The following GRSF1 variants were observed in gnomAD, a reference collection of about 807,000 sequenced individuals.
GRSF1 encodes the protein G-rich RNA sequence binding factor 1, also known as G-rich sequence factor 1.
A neutral mutation model predicts 51.1 loss-of-function variants in GRSF1; 50 were observed. That is an observed-to-expected ratio of 0.98 (90% CI 0.78 to 1.24). GRSF1 has a LOEUF of 1.24. Among genes scored for constraint, GRSF1 ranks in the 50% most tolerant of loss-of-function variants. The probability of loss-of-function intolerance (pLI) is 0.00; values close to 1 mark genes in which losing one functional copy is unlikely to be tolerated. For synonymous variants in GRSF1, 293 were observed against 253.3 expected (o/e 1.16, Z -1.49); for missense variants, 700 against 639.7 (o/e 1.09, Z -1.02).
At position 70,836,255 on chromosome 4, in the gene GRSF1, C is replaced by T. The variant is rs370091927; in HGVS notation, c.417G>A (p.Pro139=). ...LPPPPEYELA[P]SKLEEEVDDV... ...CATCCACTTCCTCTTCTAACTTGGA[C>T]GGGGCCAATTCATACTCAGGGGGTG... is the stretch of plus-strand genomic sequence containing the variant. The change falls in exon 2 of 10, where the codon CCG becomes CCA. Residue 139 remains proline (P), a synonymous_variant. Coordinates refer to ENST00000254799, the MANE Select transcript of GRSF1 (RefSeq NM_002092.4). The T allele has an allele frequency of 5.7e-5, 92 of 1,609,430 alleles. 1 individual carries two copies. The East Asian group carries it at 7.6e-4, about 13-fold the overall frequency.
chr4:70,838,580 C>T (rs1213654634), intron 1 of GRSF1, among the ~76,000 whole-genome samples: 1 of 152,122 alleles, frequency 6.6e-6, no homozygotes, highest in Non-Finnish European at 1.5e-5. Flanking sequence ...TAAATATGAC[C>T]TAAGGAATCA....
rs1342412879 is a variant in GRSF1, at chr4:70,832,337, T to C, written c.784A>G (p.Asn262Asp). 1 of 1,613,676 alleles carries C rather than the reference T, an allele frequency of 6.2e-7. No individual in the cohort carries two copies. The highest frequency in any genetic ancestry group is 1.3e-5 in the African/African-American group (1 of 75,052). ...AAGAAGTCTACAATGTCTTTCTCAT[T>C]GCAACTATAAGGAAGTCCTCTCAAA... ...VRLRGLPYSC[N>D]EKDIVDFFAG... The change falls in exon 4 of 10, where the codon AAT (asparagine) becomes GAT (aspartate). Residue 262 changes from asparagine to aspartate, a missense_variant. By Grantham distance (23) the Asn-to-Asp change is conservative. Coordinates refer to ENST00000254799, the MANE Select transcript of GRSF1 (RefSeq NM_002092.4).
intron 2 of GRSF1, among the ~76,000 whole-genome samples, chr4:70,834,911 C>T (rs1734134716): frequency 6.6e-6 from 1 of 152,100 alleles, no homozygotes; most frequent in East Asian, 1.9e-4. Flanking sequence ...GCGTGAGCCA[C>T]CGCACTTGGA....
upstream of GRSF1, chr4:70,839,898 A>G (rs368076916): frequency 3.4e-4 from 440 of 1,279,140 alleles, 3 homozygotes; most frequent in Non-Finnish European, 4.3e-4. Context: ...AGTGGAATCC[A>G]GGGCCGGTTG....
In GRSF1 at chr4:70,839,838, G is replaced by A. The variant is rs1314878824; in HGVS notation, c.-11C>T. 1.3e-5 allele frequency: 19 copies of A among 1,483,640 alleles called. No homozygotes were observed. The highest frequency in any genetic ancestry group is 1.5e-5 in the Non-Finnish European group (17 of 1,125,586). The allele number at this position is 1,483,640 out of a possible 1,614,324, so 91.9% of individuals were successfully genotyped here. A position where few individuals can be genotyped will look rare whatever the true frequency, so the allele number is the denominator to read the frequency against. ...GCGCGTGCCGGCCATGGACTCCGGA[G>A]GCGGCGCAGGGCCTGAAGGCAGCTG... On this transcript the variant is annotated 5_prime_UTR_variant, in exon 1 of 10. Transcript: ENST00000254799.
chr4:70,838,361 T>C (rs930223647), intron 1 of GRSF1, among the ~76,000 whole-genome samples: 5 of 152,192 alleles, frequency 3.3e-5, no homozygotes, highest in African/African-American at 1.2e-4. Flanking sequence ...CACAAAGGTT[T>C]ACTGGAGATG....
rs564866634 is a variant in GRSF1, at chr4:70,831,748, T to A, written c.815-74A>T. ...AGAATTAACACCATCATTCACATAC[T>A]AATAAAATTTTTATTCTGTTTTGCC... On this transcript the variant is annotated intron_variant, in intron 4 of 9. Transcript: ENST00000254799. 3.3e-4 allele frequency: 439 copies of A among 1,320,218 alleles called. 11 individuals are homozygous for A. Among genetic ancestry groups the A allele is most frequent in the South Asian group, 3.1e-3 (224 of 71,408 alleles). 81.8% of individuals were successfully genotyped at this position (1,320,218 alleles called of 1,614,324 possible).
chr4:70,832,678 T>C (rs1481360917), intron 3 of GRSF1, among the ~76,000 whole-genome samples: 2 of 152,266 alleles, frequency 1.3e-5, no homozygotes, highest in South Asian at 2.1e-4. Context: ...CCAGGCACAC[T>C]GGCTCACGCC....
At chr4:70,826,312 T>C in intron 6 of GRSF1, 67 bp from the exon 7 acceptor site, 1 of 1,340,972 alleles carries the variant, frequency 7.5e-7, no homozygotes, top group East Asian at 2.4e-5. Flanking sequence ...AGATTCTAAT[T>C]AGGTATGACT....
rs908506453 is a variant in GRSF1 at position 70,820,127 on chromosome 4, T to C, written c.*760A>G. 6.6e-6 allele frequency: 1 copy of C among 152,178 alleles called. No individual in the cohort carries two copies. Among genetic ancestry groups the C allele is most frequent in the African/African-American group, 2.4e-5 (1 of 41,450 alleles). The allele number at this position is 152,178 out of a possible 1,614,324, so 9.4% of individuals were successfully genotyped here. A position where few individuals can be genotyped will look rare whatever the true frequency, so the allele number is the denominator to read the frequency against. On this transcript the variant is annotated 3_prime_UTR_variant, in exon 10 of 10. Transcript: ENST00000254799. ...ACAGTTTTGAGACTAACAAACACCC[T>C]TAGGTCTACCCCAAACCAAAAAAAG... is the stretch of plus-strand genomic sequence containing the variant.
Position 70,839,852 on chromosome 4 carries a change from T to G in GRSF1, c.-25A>C. 1.4e-6 allele frequency: 2 copies of G among 1,460,724 alleles called. No individual in the cohort carries two copies. The highest frequency in any genetic ancestry group is 2.9e-5 in the East Asian group (1 of 34,412). The allele number at this position is 1,460,724 out of a possible 1,614,324, so 90.5% of individuals were successfully genotyped here. A position where few individuals can be genotyped will look rare whatever the true frequency, so the allele number is the denominator to read the frequency against. The stretch of plus-strand genomic sequence containing the variant: ...TGGACTCCGGAGGCGGCGCAGGGCC[T>G]GAAGGCAGCTGCTCCAGCAGCGATG... On this transcript the variant is annotated 5_prime_UTR_variant, in exon 1 of 10. Transcript: ENST00000254799.
chr4:70,837,290 T>C (rs538519388), intron 1 of GRSF1, among the ~76,000 whole-genome samples: 2 of 151,506 alleles, frequency 1.3e-5, no homozygotes, highest in East Asian at 2.0e-4. Context: ...CTGGGCCAGG[T>C]GCGGTGGCTC....
chr4:70,831,210 C>T (rs530913760), intron 5 of GRSF1, among the ~76,000 whole-genome samples: 2 of 152,092 alleles, frequency 1.3e-5, no homozygotes, highest in South Asian at 4.1e-4. Flanking sequence ...ACAAAAAAAG[C>T]CGGGCATGGT....
intron 5 of GRSF1, among the ~76,000 whole-genome samples, chr4:70,829,160 G>C (rs1733858897): frequency 6.6e-6 from 1 of 152,036 alleles, no homozygotes; most frequent in African/African-American, 2.4e-5. Flanking sequence ...CAAAGTGCTG[G>C]GATTATAGGC....
chr4:70,824,587 C>G (rs1469120742), intron 8 of GRSF1, among the ~76,000 whole-genome samples: 1 of 152,078 alleles, frequency 6.6e-6, no homozygotes, highest in African/African-American at 2.4e-5. Context: ...GAGTTCAAGC[C>G]AGCCTGGCCA....
rs190071684 is a variant in GRSF1, at chr4:70,835,773, T to C, written c.514+385A>G. Among the ~76,000 whole-genome samples, 5 of 152,246 alleles carry C rather than the reference T, an allele frequency of 3.3e-5. No homozygotes were observed. The East Asian group carries it at 7.8e-4, about 24-fold the overall frequency. On this transcript the variant is annotated intron_variant, in intron 2 of 9. Transcript: ENST00000254799. ...TGCAGTCTTAACGTTAAAATACTTT[T>C]GTTGCATTCAAAGTCTTTATACATA...
chr4:70,836,189 G>GC lies in GRSF1; in HGVS notation c.482dup (p.Cys161TrpfsTer8). 6.3e-7 allele frequency: 1 copy of GC among 1,590,258 alleles called. No homozygotes were observed. The highest frequency in any genetic ancestry group is 1.2e-5 in the South Asian group (1 of 85,888). ...AAAAGTTAAGCACATCTTCCATAGT[G>GC]CATGACCAGGGCAGTCCTTGAGCTC... is the stretch of plus-strand genomic sequence containing the variant. On this transcript the variant is annotated frameshift_variant, in exon 2 of 10. Coordinates refer to ENST00000254799, the MANE Select transcript of GRSF1 (RefSeq NM_002092.4). LOFTEE classifies it high-confidence loss of function.
intron 6 of GRSF1, among the ~76,000 whole-genome samples, chr4:70,827,433 TA>T (rs1238030316): frequency 6.6e-6 from 1 of 152,182 alleles, no homozygotes; most frequent in Non-Finnish European, 1.5e-5. Context: ...ATGATTAAAT[TA>T]AAAACCTAGC....
At chr4:70,839,400 G>A in intron 1 of GRSF1, 71 bp downstream of exon 1, 3 of 1,508,636 alleles carry the variant, frequency 2.0e-6, no homozygotes, top group South Asian at 2.4e-5. Flanking sequence ...CGGAGGGACG[G>A]AGGGGCGCGG....
Sources: allele counts gnomAD v4.1 joint callset (sites outside exome capture counted in the v4.1 genomes callset), GRCh38; gene constraint gnomAD v4.1.1; transcripts MANE v1.5; gene names NCBI Gene and HGNC (gene_info 2026-07-23, HGNC 2026-07-21).